PCDHA5: variants seen among roughly 807,000 people sequenced by gnomAD.
PCDHA5 encodes the protein protocadherin alpha-5.
A neutral mutation model predicts 61.6 loss-of-function variants in PCDHA5; 43 were observed. The ratio of observed to expected loss-of-function variants is 0.70; its 90% CI spans 0.55 to 0.90. The LOEUF (loss-of-function observed/expected upper bound fraction) is 0.90. Ranked by LOEUF, PCDHA5 falls within the 40% of genes least tolerant of loss-of-function variation. PCDHA5 has a pLI of 0.00. For synonymous variants in PCDHA5, 627 were observed against 543.9 expected (o/e 1.15, Z -2.13); for missense variants, 1,298 against 1,222.7 (o/e 1.06, Z -0.92).
At chr5:140,838,754 T>A in intron 1 of PCDHA5, among the ~76,000 whole-genome samples, 1 of 151,892 alleles carries the variant, frequency 6.6e-6, no homozygotes, top group East Asian at 1.9e-4. Flanking sequence ...TGTGCATCTT[T>A]TGTAGAGACT....
intron 1 of PCDHA5, chr5:140,878,062 T>C (rs1180266527): frequency 2.5e-6 from 1 of 403,164 alleles, no homozygotes; most frequent in East Asian, 4.6e-5. Context: ...ACACTTAATA[T>C]TTTTCTTTTT....
chr5:140,985,018 A>G (rs1384418667), intron 3 of PCDHA5, among the ~76,000 whole-genome samples: 2 of 152,026 alleles, frequency 1.3e-5, no homozygotes, highest in Non-Finnish European at 2.9e-5. Flanking sequence ...GCTCACAGCA[A>G]CCTCTGCCTC....
chr5:140,823,332 G>A lies in PCDHA5; in HGVS notation c.1557G>A (p.Leu519=). Residue 519 remains leucine, a synonymous_variant, in exon 1 of 4, where the codon CTG becomes CTA. Coordinates refer to ENST00000529859, the MANE Select transcript of PCDHA5 (RefSeq NM_018908.3). ...VHAESGKVYA[L]QPLDHEEVEL... ...CGGAGAGCGGCAAGGTGTACGCGCT[G>A]CAGCCGCTGGACCACGAGGAAGTGG... The A allele has an allele frequency of 6.2e-7, 1 of 1,612,144 alleles. No homozygotes were observed. Among genetic ancestry groups the A allele is most frequent in the Non-Finnish European group, 8.5e-7 (1 of 1,179,762 alleles).
intron 1 of PCDHA5, among the ~76,000 whole-genome samples, chr5:140,917,117 C>T (rs1318149439): frequency 3.3e-5 from 5 of 152,018 alleles, no homozygotes; most frequent in South Asian, 2.1e-4. Flanking sequence ...CCTCCAAGTG[C>T]GCAGACTCCC....
At chr5:140,829,959 G>T (rs1206602805) in intron 1 of PCDHA5, 2 of 1,613,960 alleles carry the variant, frequency 1.2e-6, no homozygotes, top group Non-Finnish European at 1.7e-6. Flanking sequence ...TTCCCGTTTC[G>T]CGTGGGGCTG....
chr5:140,985,394 A>C (rs2097150028), intron 3 of PCDHA5, among the ~76,000 whole-genome samples: 1 of 152,084 alleles, frequency 6.6e-6, no homozygotes, highest in South Asian at 2.1e-4. Context: ...AGTCACCCCA[A>C]CTGTTCCCCT....
At chr5:140,896,113 T>G (rs10053583) in intron 1 of PCDHA5, among the ~76,000 whole-genome samples, 1 of 152,170 alleles carries the variant, frequency 6.6e-6, no homozygotes, top group East Asian at 1.9e-4. Flanking sequence ...GCCTGGCCAA[T>G]GTACTGCATT....
chr5:140,859,869 C>T (rs2046062813), intron 1 of PCDHA5: 1 of 151,680 alleles, frequency 6.6e-6, no homozygotes, highest in South Asian at 2.1e-4. Flanking sequence ...TATATACTTC[C>T]CCCTCTGATA....
At chr5:140,930,184 G>A (rs2153603505) in intron 1 of PCDHA5, 1 of 152,258 alleles carries the variant, frequency 6.6e-6, no homozygotes, top group South Asian at 2.1e-4. Context: ...GGAAAGATGA[G>A]TAATTTTTAT....
At chr5:140,827,775 G>T (rs1350103739) in intron 1 of PCDHA5, among the ~76,000 whole-genome samples, 1 of 152,106 alleles carries the variant, frequency 6.6e-6, no homozygotes, top group Non-Finnish European at 1.5e-5. Flanking sequence ...AAAGAAGTCG[G>T]GATAACACTG....
At chr5:140,890,634 T>A (rs986470825) in intron 1 of PCDHA5, among the ~76,000 whole-genome samples, 3 of 152,204 alleles carry the variant, frequency 2.0e-5, no homozygotes, top group African/African-American at 7.2e-5. Context: ...TAAGCATGTA[T>A]CCTTGATATA....
rs1466426021 is a variant in PCDHA5 at position 140,917,334 on chromosome 5, G to C, written c.2353-61615G>C. On this transcript the variant is annotated intron_variant, in intron 1 of 3. Transcript: ENST00000529859. ...TTGGTGTTCATGTGGCGGGGGAGGG[G>C]GGGGATGGTGTAGGCTTCTGTTCCA... Among the ~76,000 whole-genome samples the C allele has an allele frequency of 4.7e-5, 7 of 147,744 alleles. 2 individuals carry two copies. The highest frequency in any genetic ancestry group is 1.4e-4 in the Admixed American group (2 of 14,792).
intron 3 of PCDHA5, 167 bp from the exon 4 acceptor site, chr5:141,009,456 CAAAT>C (rs2098408902): frequency 8.4e-6 from 8 of 947,642 alleles, no homozygotes; most frequent in African/African-American, 3.5e-5. Context: ...AAAAATTAAA[CAAAT>C]AAATAAATAA....
At chr5:140,886,654 T>C (rs2061065769) in intron 1 of PCDHA5, among the ~76,000 whole-genome samples, 1 of 151,782 alleles carries the variant, frequency 6.6e-6, no homozygotes, top group African/African-American at 2.4e-5. Context: ...GGTGAAACCC[T>C]GTCTCTACTA....
chr5:140,999,066 T>G (rs2097845533), intron 3 of PCDHA5, among the ~76,000 whole-genome samples: 1 of 152,214 alleles, frequency 6.6e-6, no homozygotes, highest in Admixed American at 6.5e-5. Flanking sequence ...CTAAGTAGTC[T>G]CCTTCACTTC....
At position 140,876,102 on chromosome 5, in the gene PCDHA5, A is replaced by G. The variant is rs1363448025; in HGVS notation, c.2352+51975A>G. 4 of 1,613,844 alleles carry G rather than the reference A, an allele frequency of 2.5e-6. No individual in the cohort carries two copies. The African/African-American group carries it at 4.0e-5, about 16-fold the overall frequency. ...GAGAGCAAACGCCAAAACTCAATTT[A>G]TTGCTGATGGTAATCGATGGCGGTA... On this transcript the variant is annotated intron_variant, in intron 1 of 3. Coordinates refer to ENST00000529859, the MANE Select transcript of PCDHA5 (RefSeq NM_018908.3).
chr5:140,875,924 A>G (rs782181544), intron 1 of PCDHA5: 5 of 1,613,936 alleles, frequency 3.1e-6, no homozygotes, highest in Non-Finnish European at 4.2e-6. Context: ...CTGGACTCTC[A>G]TTTTCCTCTA....
intron 1 of PCDHA5, chr5:140,829,019 T>G: frequency 6.2e-7 from 1 of 1,613,680 alleles, no homozygotes; most frequent in South Asian, 1.1e-5. Flanking sequence ...TAATTTGGAT[T>G]TTGAACAAGA....
chr5:140,883,987 G>A (rs782597930), intron 1 of PCDHA5: 2 of 1,612,956 alleles, frequency 1.2e-6, no homozygotes, highest in East Asian at 2.2e-5. Flanking sequence ...CTGGCAGCGC[G>A]GGAGGCACAG....
Sources: gnomAD v4.1 joint callset for allele counts (sites outside exome capture counted in the v4.1 genomes callset) on GRCh38, gnomAD v4.1.1 for gene constraint, MANE v1.5 for transcripts, NCBI Gene and HGNC (gene_info 2026-07-23, HGNC 2026-07-21) for gene names.